Variants in GARNL3 observed in about 807,000 individuals in gnomAD.
GARNL3 encodes GTPase activating Rap/RanGAP domain like 3.
A neutral mutation model predicts 125.0 loss-of-function variants in GARNL3; 63 were observed. That is an observed-to-expected ratio of 0.50 (90% confidence interval 0.41 to 0.62). The LOEUF (loss-of-function observed/expected upper bound fraction) is 0.62. Among genes scored for constraint, GARNL3 ranks in the 20% least tolerant of loss-of-function variants. The pLI is 0.00. For synonymous variants in GARNL3, 439 were observed against 457.5 expected (o/e 0.96, Z 0.52); for missense variants, 994 against 1,244.0 (o/e 0.80, Z 3.02).
intron 13 of GARNL3, among the ~76,000 whole-genome samples, chr9:127,340,098 G>C (rs1427935513): frequency 6.6e-6 from 1 of 152,146 alleles, no homozygotes; most frequent in Non-Finnish European, 1.5e-5. Context: ...ATGTAGGTGG[G>C]GGAAAGAGTG....
At chr9:127,348,889 T>G (rs1417893361) in intron 16 of GARNL3, 35 bp from the exon 17 acceptor site, 1 of 1,426,348 alleles carries the variant, frequency 7.0e-7, no homozygotes, top group Non-Finnish European at 9.8e-7. Flanking sequence ...TTTTTTCTGG[T>G]GCACTTATCT....
At chr9:127,307,921 G>C (rs1461988625) in intron 2 of GARNL3, among the ~76,000 whole-genome samples, 1 of 152,220 alleles carries the variant, frequency 6.6e-6, no homozygotes, top group Admixed American at 6.5e-5. Context: ...GCTGAGGCCA[G>C]CTTCCTTGGC....
intron 1 of GARNL3, among the ~76,000 whole-genome samples, chr9:127,281,599 A>G (rs961771584): frequency 3.9e-5 from 6 of 152,034 alleles, no homozygotes; most frequent in African/African-American, 1.4e-4. Context: ...AGGAGGAGAA[A>G]AAAACCTACC....
chr9:127,346,661 G>A (rs1240560442), intron 16 of GARNL3, among the ~76,000 whole-genome samples: 1 of 152,158 alleles, frequency 6.6e-6, no homozygotes, highest in Non-Finnish European at 1.5e-5. Context: ...AGCGTCCATT[G>A]TTGAGGTCAG....
At chr9:127,267,749 G>A (rs1206762469) in intron 1 of GARNL3, among the ~76,000 whole-genome samples, 1 of 152,152 alleles carries the variant, frequency 6.6e-6, no homozygotes, top group Non-Finnish European at 1.5e-5. Context: ...GTGTTGCAGG[G>A]ACTTATGAAA....
intron 24 of GARNL3, 172 bp from the exon 25 acceptor site, chr9:127,387,021 G>C: frequency 1.8e-6 from 1 of 568,080 alleles, no homozygotes; most frequent in South Asian, 3.3e-5. Flanking sequence ...AACTAGCCAC[G>C]CTGGGCTTTC....
At chr9:127,275,226 A>G (rs1305736658) in intron 1 of GARNL3, among the ~76,000 whole-genome samples, 1 of 152,210 alleles carries the variant, frequency 6.6e-6, no homozygotes, top group Non-Finnish European at 1.5e-5. Flanking sequence ...TTCACATGCC[A>G]TGAACATGCA....
In GARNL3 at chr9:127,357,265, G is replaced by A; in HGVS notation, c.1982G>A (p.Gly661Glu). ...DSPMVMTLVD[G>E]PAEESDNLIC... ...CCCATGGTGATGACCTTAGTGGATG[G>A]GCCAGCTGAAGAGAGTGACAATCTC... Residue 661 changes from glycine to glutamate, a missense_variant, in exon 21 of 28, where the codon GGG (glycine) becomes GAG (glutamate). This residue lies in a region of GARNL3 where 728 missense variants were observed against 865.7 expected (regional missense o/e 0.84). Coordinates refer to ENST00000373387, the MANE Select transcript of GARNL3 (RefSeq NM_032293.5). 6.2e-7 allele frequency: 1 copy of A among 1,614,184 alleles called. No individual in the cohort carries two copies.
chr9:127,286,878 G>A (rs545946792), intron 1 of GARNL3, among the ~76,000 whole-genome samples: 2 of 152,170 alleles, frequency 1.3e-5, no homozygotes, highest in South Asian at 2.1e-4. Flanking sequence ...GTCACAGTGC[G>A]GTAAAAAACA....
chr9:127,311,256 C>A (rs2065090510), intron 2 of GARNL3, among the ~76,000 whole-genome samples: 2 of 149,772 alleles, frequency 1.3e-5, no homozygotes, highest in African/African-American at 2.4e-5. Flanking sequence ...ACAGAAAAAA[C>A]CTACCAAAAC....
intron 2 of GARNL3, among the ~76,000 whole-genome samples, chr9:127,257,673 G>A (rs937797811): frequency 6.6e-6 from 1 of 152,188 alleles, no homozygotes; most frequent in Non-Finnish European, 1.5e-5. Flanking sequence ...CTGAAAAATG[G>A]TAAACAATAA....
At chr9:127,375,467 GAAAAAAA>G (rs1176190521) in intron 22 of GARNL3, among the ~76,000 whole-genome samples, 1 of 78,090 alleles carries the variant, frequency 1.3e-5, no homozygotes, top group South Asian at 4.0e-4. Context: ...CTCTGTCTCA[GAAAAAAA>G]AAAAAAAAAG....
At position 127,390,694 on chromosome 9, in the gene GARNL3, A is replaced by C; in HGVS notation, c.2797A>C (p.Lys933Gln). ...KSEGAPKAKS[K>Q]PRKRLEESQG... The stretch of plus-strand genomic sequence containing the variant: ...AGAAGGAGCGCCAAAGGCCAAATCA[A>C]AACCCCGGAAGCGGTTAGAAGAAAG... The change falls in exon 27 of 28, where the codon AAA becomes CAA. Residue 933 changes from lysine (K) to glutamine (Q), a missense_variant. By Grantham distance (53) the Lys-to-Gln change is moderately conservative (BLOSUM62 1). Coordinates refer to ENST00000373387, the MANE Select transcript of GARNL3 (RefSeq NM_032293.5). The C allele has an allele frequency of 1.2e-6, 2 of 1,614,034 alleles. No homozygotes were observed. Among genetic ancestry groups the C allele is most frequent in the Middle Eastern group, 1.7e-4 (1 of 6,060 alleles).
rs146191733 is a variant in GARNL3 at position 127,357,704 on chromosome 9, G to A, written c.2094+327G>A. On this transcript the variant is annotated intron_variant, in intron 21 of 27. Coordinates refer to ENST00000373387, the MANE Select transcript of GARNL3 (RefSeq NM_032293.5). ...TGTAATCCCAGCACTTTGGGAGGCCGAGGCAGGAGGATTGCCTGAGCCCAG... is the reference window on the plus strand; with the variant it reads ...TGTAATCCCAGCACTTTGGGAGGCCAAGGCAGGAGGATTGCCTGAGCCCAG... Among the ~76,000 whole-genome samples the A allele has an allele frequency of 2.0e-3, 304 of 152,110 alleles. 1 individual carries two copies. Among genetic ancestry groups the A allele is most frequent in the African/African-American group, 6.7e-3 (276 of 41,486 alleles).
rs138807808 is a variant in GARNL3 at position 127,353,191 on chromosome 9, A to G, written c.1544-655A>G. Among the ~76,000 whole-genome samples, 3 of 152,294 alleles carry G rather than the reference A, an allele frequency of 2.0e-5. No individual in the cohort carries two copies. In the East Asian group the frequency reaches 5.8e-4, roughly 29 times the overall value. On this transcript the variant is annotated intron_variant, in intron 17 of 27. Coordinates refer to ENST00000373387, the MANE Select transcript of GARNL3 (RefSeq NM_032293.5). ...AGATTTCCCTGAGCATTCCCACTTC[A>G]GTTCGTTTTTCCTGCTGTTTTGGCA...
At chr9:127,227,997 A>G (rs2062943309) in intron 1 of GARNL3, among the ~76,000 whole-genome samples, 1 of 152,202 alleles carries the variant, frequency 6.6e-6, no homozygotes, top group Non-Finnish European at 1.5e-5. Flanking sequence ...AGGATAATTA[A>G]ATGTTTATTT....
At chr9:127,331,289 G>C (rs1385497806) in intron 7 of GARNL3, among the ~76,000 whole-genome samples, 1 of 152,056 alleles carries the variant, frequency 6.6e-6, no homozygotes, top group Non-Finnish European at 1.5e-5. Flanking sequence ...AGGAGTTCAA[G>C]ACCAGTCTGG....
chr9:127,298,832 A>G (rs895181966), intron 2 of GARNL3, among the ~76,000 whole-genome samples: 1 of 152,194 alleles, frequency 6.6e-6, no homozygotes, highest in African/African-American at 2.4e-5. Flanking sequence ...AGCAAATTCA[A>G]CCACAAATTT....
rs189712496 is a variant in GARNL3 at position 127,232,525 on chromosome 9, C to T, written c.-29+8187C>T. ...GGTCTTCCTGTGTTGCCCAGGCTGG[C>T]CTCGAACTCCTAGGCTCAAGTGATC... On this transcript the variant is annotated intron_variant, in intron 1 of 10. Coordinates refer to the GARNL3 transcript ENST00000439286. Among the ~76,000 whole-genome samples the T allele has an allele frequency of 3.3e-5, 5 of 152,174 alleles. No individual in the cohort carries two copies. In the East Asian group the frequency reaches 9.7e-4, roughly 29 times the overall value.
Sources: gnomAD v4.1 joint callset for allele counts (sites outside exome capture counted in the v4.1 genomes callset) on GRCh38, gnomAD v4.1.1 for gene constraint, gnomAD v4.1.1 regional missense constraint, MANE v1.5 for transcripts, NCBI Gene and HGNC (gene_info 2026-07-23, HGNC 2026-07-21) for gene names.